PAPSS2: variants seen among roughly 807,000 people sequenced by gnomAD.
PAPSS2 encodes the protein bifunctional 3'-phosphoadenosine 5'-phosphosulfate synthase 2.
PAPSS2 carries 61 observed loss-of-function variants against 66.5 expected under a neutral mutation model. The observed-to-expected ratio is 0.92, with a 90% CI of 0.75 to 1.14. The LOEUF (loss-of-function observed/expected upper bound fraction) is 1.14. PAPSS2 is among the 50% of genes most tolerant of loss of function. The pLI, the probability that PAPSS2 is intolerant of heterozygous loss-of-function variation, is 0.00. For missense variants in PAPSS2, 708 were observed against 789.6 expected, an observed-to-expected ratio of 0.90 and a Z score of 1.24; for synonymous variants, 289 against 287.5, an observed-to-expected ratio of 1.01 and a Z score of -0.05.
chr10:87,698,689 A>G (rs906350626), intron 1 of PAPSS2, among the ~76,000 whole-genome samples: 1 of 152,202 alleles, frequency 6.6e-6, no homozygotes, highest in Non-Finnish European at 1.5e-5. Flanking sequence ...TCTTTACACA[A>G]AATACTTACG....
chr10:87,681,889 T>C (rs1853026116), intron 1 of PAPSS2, among the ~76,000 whole-genome samples: 1 of 152,248 alleles, frequency 6.6e-6, no homozygotes. Context: ...ATACTTTTTA[T>C]GGCTGAATAC....
intron 1 of PAPSS2, among the ~76,000 whole-genome samples, chr10:87,689,006 G>T (rs1853128271): frequency 6.6e-6 from 1 of 151,906 alleles, no homozygotes; most frequent in South Asian, 2.1e-4. Context: ...AAACAAGTCA[G>T]AAACAACATT....
At chr10:87,706,245 A>C (rs950366145) in intron 1 of PAPSS2, among the ~76,000 whole-genome samples, 5 of 150,090 alleles carry the variant, frequency 3.3e-5, no homozygotes, top group Non-Finnish European at 5.9e-5. Context: ...GTTTGGTACT[A>C]TATTTCCAGT....
chr10:87,710,004 T>C (rs748344382), intron 2 of PAPSS2, among the ~76,000 whole-genome samples: 19 of 152,316 alleles, frequency 1.2e-4, no homozygotes, highest in Middle Eastern at 6.8e-3. Flanking sequence ...CCCTAGGCTG[T>C]TACCTTGTAC....
rs768759177 is a variant in PAPSS2, at chr10:87,727,294, C to T, written c.891C>T (p.Ile297=). The part of the protein sequence containing the change: ...LDGMALPDGV[I]NMSIPIVLPV... ...TGGCTCTTTCCACAGATGGCGTGAT[C>T]AACATGAGCATCCCCATTGTACTGC... The change falls in exon 9 of 13, where the codon ATC becomes ATT. Residue 297 remains isoleucine (I), a synonymous_variant. Coordinates refer to ENST00000456849, the MANE Select transcript of PAPSS2 (RefSeq NM_001015880.2). 5 of 1,613,218 alleles carry T rather than the reference C, an allele frequency of 3.1e-6. No homozygotes were observed. In the South Asian group the frequency reaches 4.4e-5, roughly 14 times the overall value.
chr10:87,666,178 G>C (rs1852814714), intron 1 of PAPSS2, among the ~76,000 whole-genome samples: 1 of 152,074 alleles, frequency 6.6e-6, no homozygotes, highest in Non-Finnish European at 1.5e-5. Flanking sequence ...TGGCCAGACT[G>C]GTCTTGAACT....
chr10:87,687,317 G>A (rs186366970), intron 1 of PAPSS2, among the ~76,000 whole-genome samples: 6 of 152,290 alleles, frequency 3.9e-5, no homozygotes, highest in Admixed American at 6.5e-5. Context: ...TGCTTATGAC[G>A]TAGGTGGGAA....
Position 87,709,240 on chromosome 10 carries a change from T to A in PAPSS2, c.72T>A (p.His24Gln). The A allele has an allele frequency of 6.2e-7, 1 of 1,613,464 alleles. No individual in the cohort carries two copies. The highest frequency in any genetic ancestry group is 2.2e-5 in the East Asian group (1 of 44,862). Residue 24 changes from histidine to glutamine, a missense_variant, in exon 2 of 13, where the codon CAT becomes CAA. By Grantham distance (24) the His-to-Gln change is conservative. Transcript: ENST00000456849. The part of the protein sequence containing the change: ...KSTNVVYQAH[H>Q]VSRNKRGQVV... ...CCAATGTAGTCTATCAGGCCCACCATGTGAGCAGGAATAAGAGAGGGCAAG... is the reference window on the plus strand; with the variant it reads ...CCAATGTAGTCTATCAGGCCCACCAAGTGAGCAGGAATAAGAGAGGGCAAG...
At position 87,660,804 on chromosome 10, in the gene PAPSS2, GAA is replaced by G. The variant is rs61018901; in HGVS notation, c.27+825_27+826del. ...TTTGTCAATTATACCCCAATAAACT[GAA>G]AAAAAAAAAAAAAAAAAAAAAAAAA... On this transcript the variant is annotated intron_variant, in intron 1 of 12. Coordinates refer to ENST00000456849, the MANE Select transcript of PAPSS2 (RefSeq NM_001015880.2). Among the ~76,000 whole-genome samples, 963 of 113,356 alleles carry G rather than the reference GAA, an allele frequency of 8.5e-3. 4 individuals carry two copies. Among genetic ancestry groups the G allele is most frequent in the East Asian group, 0.026 (66 of 2,536 alleles). The allele number at this position is 113,356 out of a possible 152,430, so 74.4% of individuals were successfully genotyped here.
chr10:87,729,291 G>A (rs1032277852), intron 9 of PAPSS2, among the ~76,000 whole-genome samples: 1 of 150,326 alleles, frequency 6.7e-6, no homozygotes, highest in Admixed American at 6.6e-5. Flanking sequence ...GAGAAAGTCT[G>A]TGAGTGCCAT....
At chr10:87,719,838 C>T (rs1028746149) in intron 7 of PAPSS2, among the ~76,000 whole-genome samples, 7 of 152,044 alleles carry the variant, frequency 4.6e-5, no homozygotes, top group African/African-American at 1.2e-4. Context: ...AAGTCCTTCC[C>T]GCCCCCCATC....
rs1554860724 is a variant in PAPSS2 at position 87,659,905 on chromosome 10, TGCCGCC to T, written c.-63_-58del. 2.0e-5 allele frequency: 29 copies of T among 1,423,654 alleles called. No individual in the cohort carries two copies. The highest frequency in any genetic ancestry group is 2.9e-5 in the Non-Finnish European group (29 of 1,017,158). The allele number at this position is 1,423,654 out of a possible 1,614,324, so 88.2% of individuals were successfully genotyped here. On this transcript the variant is annotated 5_prime_UTR_variant, in exon 1 of 13. Transcript: ENST00000456849. ...CCGCTGCTGCTGCTGCTGCTGCTGC[TGCCGCC>T]GCCGCCGCCGCCGTCCCTGCGTCCT... is the stretch of plus-strand genomic sequence containing the variant.
At chr10:87,685,267 T>C (rs1564711907) in intron 1 of PAPSS2, among the ~76,000 whole-genome samples, 1 of 152,230 alleles carries the variant, frequency 6.6e-6, no homozygotes, top group Non-Finnish European at 1.5e-5. Flanking sequence ...AAGCAGAGTA[T>C]GAGGAAACCT....
chr10:87,676,542 A>G (rs1852949446), intron 1 of PAPSS2, among the ~76,000 whole-genome samples: 1 of 118,056 alleles, frequency 8.5e-6, no homozygotes, highest in African/African-American at 2.7e-5. Context: ...AGAATGGATC[A>G]AATTAACTAA....
chr10:87,733,753 A>G (rs1589441583), intron 9 of PAPSS2, among the ~76,000 whole-genome samples: 4 of 152,120 alleles, frequency 2.6e-5, no homozygotes, highest in Admixed American at 2.6e-4. Flanking sequence ...ATTGAGTTAG[A>G]TAATTGTTTG....
In PAPSS2 at chr10:87,739,985, A is replaced by G. The variant is rs184239237; in HGVS notation, c.1087-1250A>G. ...TACAATGGTTGTCTTAAGGAAAAGT[A>G]CTTGCACAGTGGTTTGTGCTACAAG... On this transcript the variant is annotated intron_variant, in intron 9 of 12. Coordinates refer to ENST00000456849, the MANE Select transcript of PAPSS2 (RefSeq NM_001015880.2). Among the ~76,000 whole-genome samples the G allele has an allele frequency of 2.6e-4, 40 of 152,356 alleles. 1 individual carries two copies. The highest frequency in any genetic ancestry group is 9.4e-4 in the African/African-American group (39 of 41,578).
At chr10:87,665,177 C>G (rs1403300462) in intron 1 of PAPSS2, among the ~76,000 whole-genome samples, 1 of 151,660 alleles carries the variant, frequency 6.6e-6, no homozygotes, top group Non-Finnish European at 1.5e-5. Context: ...GTGTCTGGCC[C>G]CACTCCTAGC....
chr10:87,690,929 T>C (rs1245710105), intron 1 of PAPSS2, among the ~76,000 whole-genome samples: 1 of 152,092 alleles, frequency 6.6e-6, no homozygotes, highest in Non-Finnish European at 1.5e-5. Flanking sequence ...GCACAACCCA[T>C]CATGACCCTG....
At chr10:87,708,080 G>C (rs1853415111) in intron 1 of PAPSS2, among the ~76,000 whole-genome samples, 1 of 151,752 alleles carries the variant, frequency 6.6e-6, no homozygotes, top group Non-Finnish European at 1.5e-5. Flanking sequence ...TTTCCCCCTT[G>C]GATCACATGT....
Sources: allele counts gnomAD v4.1 joint callset (sites outside exome capture counted in the v4.1 genomes callset), GRCh38; gene constraint gnomAD v4.1.1; transcripts MANE v1.5; gene names NCBI Gene and HGNC (gene_info 2026-07-23, HGNC 2026-07-21).